ZNF444: variants seen among roughly 807,000 people sequenced by gnomAD.
ZNF444 encodes the protein zinc finger protein 444.
Under a neutral mutation model 14.4 loss-of-function variants are expected in ZNF444, and 8 were observed. The ratio of observed to expected loss-of-function variants is 0.56; its 90% CI spans 0.33 to 1.00. The LOEUF is 1.00. Ranked by LOEUF, ZNF444 falls within the 50% of genes least tolerant of loss-of-function variation. ZNF444 has a pLI of 0.03. For synonymous variants in ZNF444, 258 were observed against 235.9 expected (o/e 1.09, Z -0.86); for missense variants, 510 against 504.8 (o/e 1.01, Z -0.10).
At chr19:56,148,133 A>G (rs756767615) in intron 3 of ZNF444, among the ~76,000 whole-genome samples, 3 of 152,206 alleles carry the variant, frequency 2.0e-5, no homozygotes, top group Non-Finnish European at 4.4e-5. Flanking sequence ...ATGGACCCCA[A>G]TGTGTTCAAA....
upstream of ZNF444, among the ~76,000 whole-genome samples, chr19:56,136,580 A>G (rs2030616556): frequency 6.6e-6 from 1 of 152,162 alleles, no homozygotes; most frequent in Non-Finnish European, 1.5e-5. Flanking sequence ...CCTGCCAGGT[A>G]GCCTTCCGAG....
rs763350426 is a variant in ZNF444, at chr19:56,158,573, G to GA, written c.380dup (p.Glu128GlyfsTer16). The GA allele has an allele frequency of 4.3e-6, 7 of 1,611,752 alleles. No homozygotes were observed. The highest frequency in any genetic ancestry group is 5.9e-6 in the Non-Finnish European group (7 of 1,178,954). On this transcript the variant is annotated frameshift_variant, in exon 4 of 5. Coordinates refer to ENST00000337080, the MANE Select transcript of ZNF444 (RefSeq NM_018337.4). LOFTEE classifies it low-confidence loss of function (END_TRUNC). ...ACGCAGGGCCCTGGGGCCACAGGTGGAAAGGAGGACAGTGGGATGATTCCC... is the reference window on the plus strand; with the variant it reads ...ACGCAGGGCCCTGGGGCCACAGGTGGAAAAGGAGGACAGTGGGATGATTCCC...
rs1233687325 is a variant in ZNF444, at chr19:56,160,489, C to G, written c.*288C>G. 2.5e-6 allele frequency: 1 copy of G among 399,082 alleles called. No homozygotes were observed. Among genetic ancestry groups the G allele is most frequent in the Non-Finnish European group, 4.4e-6 (1 of 224,794 alleles). 24.7% of individuals were successfully genotyped at this position (399,082 alleles called of 1,614,324 possible). On this transcript the variant is annotated 3_prime_UTR_variant, in exon 5 of 5. Coordinates refer to ENST00000337080, the MANE Select transcript of ZNF444 (RefSeq NM_018337.4). The stretch of plus-strand genomic sequence containing the variant: ...TCTCCCTAATGTCTCCTCCTTCCCC[C>G]CTCTTCTCTCTCCTGCGGCCCAGCC...
intron 3 of ZNF444, chr19:56,156,458 C>T (rs1261980362): frequency 2.6e-5 from 4 of 152,234 alleles, no homozygotes; most frequent in African/African-American, 9.7e-5. Flanking sequence ...CTTTGGCTTT[C>T]TTTCCTCCAG....
At chr19:56,136,678 T>A (rs528429446), upstream of ZNF444, among the ~76,000 whole-genome samples, 1 of 152,336 alleles carries the variant, frequency 6.6e-6, no homozygotes, top group African/African-American at 2.4e-5. Flanking sequence ...TACCGATGCA[T>A]AGGAGTGCGC....
chr19:56,149,187 G>A (rs1173849175), intron 3 of ZNF444, among the ~76,000 whole-genome samples: 1 of 54,730 alleles, frequency 1.8e-5, no homozygotes, highest in East Asian at 5.4e-4. Context: ...TCACTCCTCC[G>A]ACCTTGACCT....
At chr19:56,136,783 T>G (rs1245404335), upstream of ZNF444, among the ~76,000 whole-genome samples, 1 of 152,080 alleles carries the variant, frequency 6.6e-6, no homozygotes, top group African/African-American at 2.4e-5. Context: ...AATCTGCATT[T>G]CTTTTTTTCT....
At chr19:56,150,648 AT>A (rs1191570563) in intron 3 of ZNF444, among the ~76,000 whole-genome samples, 1 of 152,232 alleles carries the variant, frequency 6.6e-6, no homozygotes, top group African/African-American at 2.4e-5. Context: ...AGTCAGTGTT[AT>A]TTTAGTTTTA....
At chr19:56,157,374 CA>C (rs2031974655) in intron 3 of ZNF444, 1 of 152,032 alleles carries the variant, frequency 6.6e-6, no homozygotes, top group African/African-American at 2.4e-5. Context: ...TCTTGTCTGT[CA>C]GAGTGAGGGC....
At chr19:56,157,190 T>C (rs1050522783) in intron 3 of ZNF444, 4 of 152,198 alleles carry the variant, frequency 2.6e-5, no homozygotes, top group African/African-American at 4.8e-5. Context: ...CTCTCTCCGA[T>C]GGGCCCCAGA....
Position 56,159,990 on chromosome 19 carries a change from C to G in ZNF444, c.773C>G (p.Thr258Ser), listed in dbSNP as rs145075834. The G allele has an allele frequency of 2.6e-3, 3,976 of 1,512,834 alleles. 102 individuals carry two copies. The African/African-American group carries it at 0.05, about 19-fold the overall frequency. The allele number at this position is 1,512,834 out of a possible 1,614,324, so 93.7% of individuals were successfully genotyped here. A position where few individuals can be genotyped will look rare whatever the true frequency, so the allele number is the denominator to read the frequency against. ...CACGCGTGCTGCGAGTGTGGCAAGA[C>G]CTTCTACTGGCGCGAGCACCTGGTG... is the stretch of plus-strand genomic sequence containing the variant. The part of the protein sequence containing the change: ...KPHACCECGK[T>S]FYWREHLVRH... Residue 258 changes from threonine to serine, a missense_variant, in exon 5 of 5, where the codon ACC (threonine) becomes AGC (serine). Coordinates refer to ENST00000337080, the MANE Select transcript of ZNF444 (RefSeq NM_018337.4).
chr19:56,134,041 G>A (rs959617017), intron 1 of ZNF444, among the ~76,000 whole-genome samples: 1 of 151,690 alleles, frequency 6.6e-6, no homozygotes, highest in Non-Finnish European at 1.5e-5. Flanking sequence ...ACATCCATAC[G>A]CCATCCCCCC....
rs2123487434 is a variant in ZNF444, at chr19:56,147,287, A to T, written c.297+79A>T. On this transcript the variant is annotated intron_variant, in intron 3 of 4. Transcript: ENST00000337080. The surrounding 1 kb of genome is among the most constrained non-coding windows in gnomAD (Gnocchi z 5.9). ...GCCACCAGGAAGCCCAGGGAGGAGC[A>T]CCACTGAACCCCTGAAAACCAGTGT... The T allele has an allele frequency of 1.5e-6, 2 of 1,361,950 alleles. No homozygotes were observed. Among genetic ancestry groups the T allele is most frequent in the East Asian group, 6.0e-5 (2 of 33,208 alleles). 84.4% of individuals were successfully genotyped at this position (1,361,950 alleles called of 1,614,324 possible).
At chr19:56,153,789 AGT>A (rs1318839016) in intron 3 of ZNF444, among the ~76,000 whole-genome samples, 1 of 152,190 alleles carries the variant, frequency 6.6e-6, no homozygotes, top group Non-Finnish European at 1.5e-5. Flanking sequence ...GAAATGCCCC[AGT>A]CAGCCTGCGT....
chr19:56,144,273 C>T lies in ZNF444; in HGVS notation c.-196-1974C>T, dbSNP rs147463723. Among the ~76,000 whole-genome samples, 325 of 151,722 alleles carry T rather than the reference C, an allele frequency of 2.1e-3. 1 individual carries two copies. Among genetic ancestry groups the T allele is most frequent in the African/African-American group, 6.9e-3 (286 of 41,268 alleles). ...GCAATGAGCCGAGAGGTCATGCCAC[C>T]GCTCCAGCCTGGGCGACAGAGAGAG... On this transcript the variant is annotated intron_variant, in intron 1 of 4. Coordinates refer to ENST00000337080, the MANE Select transcript of ZNF444 (RefSeq NM_018337.4). This position sits in a 1 kb window ranked among gnomAD's most constrained non-coding sequence, Gnocchi z 4.0.
rs1416884794 is a variant in ZNF444, at chr19:56,160,315, C to G, written c.*114C>G. On this transcript the variant is annotated 3_prime_UTR_variant, in exon 5 of 5. Transcript: ENST00000337080. ...CCTCCTTCCCTCCCATCGTCCTCCT[C>G]CACCTGCGCCTCCCTTGTCTGAACT... is the stretch of plus-strand genomic sequence containing the variant. The G allele has an allele frequency of 2.8e-5, 23 of 812,724 alleles. No homozygotes were observed. The Admixed American group carries it at 9.0e-4, about 32-fold the overall frequency. 50.3% of individuals were successfully genotyped at this position (812,724 alleles called of 1,614,324 possible).
chr19:56,133,414 A>T (rs2030535354), intron 1 of ZNF444, among the ~76,000 whole-genome samples: 1 of 152,024 alleles, frequency 6.6e-6, no homozygotes, highest in African/African-American at 2.4e-5. Context: ...TCTGTGAGAG[A>T]GACTCAGGAC....
intron 3 of ZNF444, among the ~76,000 whole-genome samples, chr19:56,148,461 G>C (rs566743215): frequency 2.6e-5 from 4 of 152,076 alleles, no homozygotes; most frequent in African/African-American, 9.7e-5. Flanking sequence ...GAGGCAAAGC[G>C]AGCAAAGCCT....
In ZNF444 at chr19:56,160,017, G is replaced by A; in HGVS notation, c.800G>A (p.Arg267His). ...KTFYWREHLV[R>H]HRKTHSGARP... ...TTCTACTGGCGCGAGCACCTGGTGC[G>A]CCACCGCAAGACGCACTCGGGAGCG... The change falls in exon 5 of 5, where the codon CGC becomes CAC. Residue 267 changes from arginine (R) to histidine (H), a missense_variant. Physicochemically the swap from Arg to His is conservative, Grantham distance 29. Transcript: ENST00000337080. The A allele has an allele frequency of 6.6e-7, 1 of 1,512,552 alleles. No homozygotes were observed. Among genetic ancestry groups the A allele is most frequent in the South Asian group, 1.2e-5 (1 of 82,272 alleles). The allele number at this position is 1,512,552 out of a possible 1,614,324, so 93.7% of individuals were successfully genotyped here.
Sources: gnomAD v4.1 joint callset for allele counts (sites outside exome capture counted in the v4.1 genomes callset) on GRCh38, gnomAD v4.1.1 for gene constraint, Gnocchi (gnomAD v3.1) non-coding constraint, MANE v1.5 for transcripts, NCBI Gene and HGNC (gene_info 2026-07-23, HGNC 2026-07-21) for gene names.